RBFOX1: variants seen among roughly 807,000 people sequenced by gnomAD.
The protein encoded by RBFOX1 is RNA binding fox-1 homolog 1.
In RBFOX1, 8 loss-of-function variants were observed where a neutral mutation model predicts 57.7. The ratio of observed to expected loss-of-function variants is 0.14; its 90% CI spans 0.08 to 0.25. RBFOX1 has a LOEUF of 0.25. Among genes scored for constraint, RBFOX1 ranks in the 10% least tolerant of loss-of-function variants. The pLI, the probability that RBFOX1 is intolerant of heterozygous loss-of-function variation, is 1.00. For missense variants in RBFOX1, 611 were observed against 548.5 expected, an observed-to-expected ratio of 1.11 and a Z score of -1.14; for synonymous variants, 326 against 222.4, an observed-to-expected ratio of 1.47 and a Z score of -4.15.
chr16:6,715,693 T>A lies in RBFOX1; in HGVS notation c.-16+61043T>A, dbSNP rs144389556. On this transcript the variant is annotated intron_variant, in intron 3 of 15. Transcript: ENST00000550418. Reference sequence around the variant, plus strand: ...TTTCTTGAAGATGAAGCAGCCCACCTGGCCCAGAAATGCCTGGTTTGTTGT... The same window carrying A: ...TTTCTTGAAGATGAAGCAGCCCACCAGGCCCAGAAATGCCTGGTTTGTTGT... Among the ~76,000 whole-genome samples, 44 of 152,344 alleles carry A rather than the reference T, an allele frequency of 2.9e-4. 1 individual carries two copies. The highest frequency in any genetic ancestry group is 1.0e-3 in the African/African-American group (42 of 41,580).
At chr16:5,407,459 G>A (rs2066897184) in intron 1 of RBFOX1, among the ~76,000 whole-genome samples, 1 of 152,148 alleles carries the variant, frequency 6.6e-6, no homozygotes, top group African/African-American at 2.4e-5. Context: ...GGAGCTTGGA[G>A]GTGAGGAAGG....
At chr16:6,853,637 C>G (rs948688165) in intron 3 of RBFOX1, among the ~76,000 whole-genome samples, 2 of 152,058 alleles carry the variant, frequency 1.3e-5, no homozygotes, top group African/African-American at 4.8e-5. Flanking sequence ...TTTGCATGGC[C>G]CATAGTAAAT....
chr16:6,630,370 ATTGT>A (rs1228232426), intron 2 of RBFOX1, among the ~76,000 whole-genome samples: 3 of 152,124 alleles, frequency 2.0e-5, no homozygotes, highest in Admixed American at 6.6e-5. Context: ...TCTGCAGCAG[ATTGT>A]TTGATGTTTT....
chr16:6,895,348 A>G (rs1408810130), intron 3 of RBFOX1, among the ~76,000 whole-genome samples: 1 of 150,320 alleles, frequency 6.7e-6, no homozygotes, highest in Non-Finnish European at 1.5e-5. Flanking sequence ...TATGGAATGG[A>G]ACTAAGCAGA....
chr16:5,542,374 G>A (rs995673285), intron 2 of RBFOX1, among the ~76,000 whole-genome samples: 25 of 149,522 alleles, frequency 1.7e-4, no homozygotes, highest in African/African-American at 4.9e-4. Context: ...TCAGCCTCCC[G>A]AGTAGCTGGG....
At chr16:5,793,294 T>C (rs2054766521) in intron 3 of RBFOX1, among the ~76,000 whole-genome samples, 2 of 152,240 alleles carry the variant, frequency 1.3e-5, no homozygotes, top group Admixed American at 1.3e-4. Context: ...CTGGCCCGCC[T>C]CCGAAACTCA....
chr16:7,456,150 A>T (rs552654627), intron 4 of RBFOX1, among the ~76,000 whole-genome samples: 2 of 152,128 alleles, frequency 1.3e-5, no homozygotes, highest in African/African-American at 4.8e-5. Context: ...TATGTGGCCA[A>T]TCCTGATTAA....
At chr16:6,062,838 AG>A (rs2095706757) in intron 1 of RBFOX1, among the ~76,000 whole-genome samples, 1 of 152,098 alleles carries the variant, frequency 6.6e-6, no homozygotes, top group Admixed American at 6.5e-5. Context: ...GCAGATTAGC[AG>A]GCTGGAAATT....
chr16:6,022,152 C>T (rs1006023830), intron 1 of RBFOX1, among the ~76,000 whole-genome samples: 1 of 152,056 alleles, frequency 6.6e-6, no homozygotes, highest in Non-Finnish European at 1.5e-5. Context: ...TTGACAAGCA[C>T]CTGAAATTAA....
chr16:5,284,288 A>T (rs1282636913), intron 1 of RBFOX1, among the ~76,000 whole-genome samples: 1 of 152,122 alleles, frequency 6.6e-6, no homozygotes, highest in East Asian at 1.9e-4. Flanking sequence ...AAACAGACTA[A>T]TACACCCGTG....
chr16:6,083,569 T>C (rs1036608890), intron 1 of RBFOX1, among the ~76,000 whole-genome samples: 1 of 152,044 alleles, frequency 6.6e-6, no homozygotes, highest in Non-Finnish European at 1.5e-5. Flanking sequence ...CTCAACCTCT[T>C]GGGCTCAGAT....
At chr16:5,766,302 C>G (rs986774511) in intron 3 of RBFOX1, among the ~76,000 whole-genome samples, 3 of 152,062 alleles carry the variant, frequency 2.0e-5, no homozygotes, top group African/African-American at 7.2e-5. Flanking sequence ...AAATACAGAT[C>G]TGGGCTGGGC....
chr16:7,693,414 T>A, intron 14 of RBFOX1: 1 of 1,192,512 alleles, frequency 8.4e-7, no homozygotes, highest in Non-Finnish European at 1.2e-6. Context: ...AGTCTCAGTA[T>A]CCTTTTTTTT....
intron 4 of RBFOX1, among the ~76,000 whole-genome samples, chr16:7,443,698 C>G (rs879698465): frequency 2.6e-5 from 4 of 152,300 alleles, no homozygotes; most frequent in East Asian, 1.9e-4. Flanking sequence ...TTTTCACAAA[C>G]TTGAAATCAT....
intron 4 of RBFOX1, among the ~76,000 whole-genome samples, chr16:7,247,970 C>G (rs747418210): frequency 6.6e-6 from 1 of 152,142 alleles, no homozygotes; most frequent in Non-Finnish European, 1.5e-5. Context: ...ATGAAAAAAT[C>G]TGTAAGACAA....
chr16:7,192,147 G>A (rs1319137753), intron 4 of RBFOX1, among the ~76,000 whole-genome samples: 1 of 152,230 alleles, frequency 6.6e-6, no homozygotes, highest in African/African-American at 2.4e-5. Flanking sequence ...AAGGGGGTAG[G>A]TAGTAGAAGG....
At chr16:6,966,346 A>G (rs2084154222) in intron 3 of RBFOX1, among the ~76,000 whole-genome samples, 2 of 152,096 alleles carry the variant, frequency 1.3e-5, no homozygotes, top group African/African-American at 4.8e-5. Context: ...CTCAGAGCAC[A>G]CACAGTCTAG....
intron 2 of RBFOX1, among the ~76,000 whole-genome samples, chr16:6,443,614 G>T (rs546712421): frequency 6.6e-6 from 1 of 152,316 alleles, no homozygotes; most frequent in Non-Finnish European, 1.5e-5. Flanking sequence ...GCTCATTGAT[G>T]AGAGTCTCTA....
chr16:6,425,147 T>C (rs2093888259), intron 2 of RBFOX1, among the ~76,000 whole-genome samples: 1 of 152,204 alleles, frequency 6.6e-6, no homozygotes, highest in African/African-American at 2.4e-5. Flanking sequence ...TTTCAAAGCA[T>C]GGAGCTGAAA....
Sources: gnomAD v4.1 joint callset for allele counts (sites outside exome capture counted in the v4.1 genomes callset) on GRCh38, gnomAD v4.1.1 for gene constraint, MANE v1.5 for transcripts, NCBI Gene and HGNC (gene_info 2026-07-23, HGNC 2026-07-21) for gene names.